MYRIP: variants seen among roughly 807,000 people sequenced by gnomAD.
MYRIP encodes the protein myosin VIIA and Rab interacting protein.
MYRIP carries 49 observed loss-of-function variants against 98.0 expected under a neutral mutation model. That is an observed-to-expected ratio of 0.50 (90% CI 0.40 to 0.63). MYRIP has a LOEUF of 0.63. Among genes scored for constraint, MYRIP ranks in the 30% least tolerant of loss-of-function variants. MYRIP has a pLI of 0.00. For missense variants in MYRIP, 1,004 were observed against 1,058.2 expected, an observed-to-expected ratio of 0.95 and a Z score of 0.71; for synonymous variants, 404 against 409.5, an observed-to-expected ratio of 0.99 and a Z score of 0.16.
At chr3:39,958,483 A>T (rs1163757371) in intron 2 of MYRIP, among the ~76,000 whole-genome samples, 1 of 152,222 alleles carries the variant, frequency 6.6e-6, no homozygotes, top group Admixed American at 6.5e-5. Context: ...CATATGCAGA[A>T]AGCTGAAACT....
At chr3:40,212,157 TATATATATATACATATATATAC>T (rs1242518258) in intron 11 of MYRIP, among the ~76,000 whole-genome samples, 127 of 8,174 alleles carry the variant, frequency 0.016, 24 homozygotes, top group Admixed American at 0.019. Context: ...TATATACGTG[TATATATATATACATATATATAC>T]GTGTATGTGT....
At chr3:40,256,070 T>A (rs1417204652) in intron 16 of MYRIP, among the ~76,000 whole-genome samples, 1 of 152,212 alleles carries the variant, frequency 6.6e-6, no homozygotes, top group Non-Finnish European at 1.5e-5. Context: ...CACGTGTGGC[T>A]ACTGAGCACT....
chr3:40,154,472 T>C (rs1182641679), intron 4 of MYRIP, among the ~76,000 whole-genome samples: 1 of 152,204 alleles, frequency 6.6e-6, no homozygotes, highest in Non-Finnish European at 1.5e-5. Context: ...AGTAAGTACA[T>C]TTATAAATAA....
chr3:39,953,680 G>A (rs1945085012), intron 2 of MYRIP, among the ~76,000 whole-genome samples: 1 of 152,156 alleles, frequency 6.6e-6, no homozygotes, highest in Admixed American at 6.5e-5. Flanking sequence ...ACTGGGGCTT[G>A]TTGGACAGTG....
intron 2 of MYRIP, among the ~76,000 whole-genome samples, chr3:40,033,494 C>G (rs148998052): frequency 0.017 from 2,591 of 152,194 alleles, 24 homozygotes; most frequent in Middle Eastern, 0.041. Context: ...AATAAAATAC[C>G]TAGGAATCCA....
rs771073159 is a variant in MYRIP, at chr3:40,209,856, G to A, written c.1668G>A (p.Val556=). 6.2e-7 allele frequency: 1 copy of A among 1,613,794 alleles called. No individual in the cohort carries two copies. The highest frequency in any genetic ancestry group is 1.3e-5 in the African/African-American group (1 of 74,888). The change falls in exon 11 of 17, where the codon GTG becomes GTA. Residue 556 remains valine (V), a splice_region_variant and synonymous_variant. Coordinates refer to ENST00000302541, the MANE Select transcript of MYRIP (RefSeq NM_015460.4). Reference sequence around the variant, plus strand: ...TCATGATTCTGGCTTTCATTTAGGTGTCGGATGATTTATCAGAGACAGACA... The same window carrying A: ...TCATGATTCTGGCTTTCATTTAGGTATCGGATGATTTATCAGAGACAGACA... ...AQLRDLDTHQ[V]SDDLSETDIS...
intron 2 of MYRIP, 48 bp from the exon 3 acceptor site, chr3:40,044,002 A>C (rs1264922267): frequency 1.3e-6 from 2 of 1,573,008 alleles, no homozygotes; most frequent in Non-Finnish European, 1.7e-6. Context: ...CCCTGACCTG[A>C]TGTTGTGTTT....
chr3:39,953,909 C>G (rs927909626), intron 2 of MYRIP, among the ~76,000 whole-genome samples: 5 of 152,168 alleles, frequency 3.3e-5, no homozygotes, highest in African/African-American at 1.2e-4. Context: ...GTCTCGCTTA[C>G]TGCTAGCACA....
At chr3:39,829,498 C>A (rs1057400893) in intron 1 of MYRIP, among the ~76,000 whole-genome samples, 3 of 152,104 alleles carry the variant, frequency 2.0e-5, no homozygotes, top group African/African-American at 7.2e-5. Flanking sequence ...GTAGTCCACA[C>A]TAAAGATGTT....
chr3:40,022,395 C>T (rs1445412389), intron 2 of MYRIP, among the ~76,000 whole-genome samples: 1 of 152,038 alleles, frequency 6.6e-6, no homozygotes, highest in Non-Finnish European at 1.5e-5. Context: ...TGTGAGTCTT[C>T]AAGGAAAAAG....
intron 8 of MYRIP, among the ~76,000 whole-genome samples, chr3:40,179,408 G>A (rs1046006610): frequency 6.6e-6 from 1 of 152,114 alleles, no homozygotes; most frequent in African/African-American, 2.4e-5. Context: ...CTTTTCATTT[G>A]TTAGTCTTGG....
chr3:39,824,513 C>A (rs1415336321), intron 1 of MYRIP, among the ~76,000 whole-genome samples: 1 of 151,886 alleles, frequency 6.6e-6, no homozygotes, highest in Non-Finnish European at 1.5e-5. Flanking sequence ...CATTTGTATT[C>A]TCTTCAATTT....
At chr3:40,149,681 C>T (rs962226995) in intron 3 of MYRIP, among the ~76,000 whole-genome samples, 1 of 152,170 alleles carries the variant, frequency 6.6e-6, no homozygotes, top group African/African-American at 2.4e-5. Flanking sequence ...TAATCCAAAC[C>T]TGCTCTCTGA....
intron 1 of MYRIP, among the ~76,000 whole-genome samples, chr3:39,852,500 C>T (rs1942158594): frequency 6.6e-6 from 1 of 152,126 alleles, no homozygotes; most frequent in African/African-American, 2.4e-5. Context: ...GAGCAGTGTA[C>T]ACTGTACTGA....
chr3:39,859,529 C>T (rs1029561501), intron 1 of MYRIP, among the ~76,000 whole-genome samples: 2 of 152,132 alleles, frequency 1.3e-5, no homozygotes, highest in Non-Finnish European at 2.9e-5. Context: ...TTTTATGAGG[C>T]TAACATTACA....
At chr3:40,073,148 T>A (rs572381078) in intron 3 of MYRIP, among the ~76,000 whole-genome samples, 11 of 152,320 alleles carry the variant, frequency 7.2e-5, no homozygotes, top group African/African-American at 2.6e-4. Flanking sequence ...CTCTCACAAC[T>A]ACATGAGTTG....
chr3:40,124,322 C>T (rs752037609), intron 3 of MYRIP, among the ~76,000 whole-genome samples: 8 of 152,224 alleles, frequency 5.3e-5, no homozygotes, highest in Non-Finnish European at 1.2e-4. Flanking sequence ...CGGGATCCTC[C>T]ACTACTCCAA....
chr3:39,849,978 T>C (rs1942078306), intron 1 of MYRIP, among the ~76,000 whole-genome samples: 2 of 152,186 alleles, frequency 1.3e-5, no homozygotes, highest in African/African-American at 4.8e-5. Context: ...ATCAGGATGG[T>C]CACCACGACA....
chr3:40,224,001 C>T (rs1344625267), intron 11 of MYRIP, among the ~76,000 whole-genome samples: 1 of 152,114 alleles, frequency 6.6e-6, no homozygotes, highest in Admixed American at 6.6e-5. Flanking sequence ...GCTTTCCAGG[C>T]AGAGGAACAC....
Sources: allele counts gnomAD v4.1 joint callset (sites outside exome capture counted in the v4.1 genomes callset), GRCh38; gene constraint gnomAD v4.1.1; transcripts MANE v1.5; gene names NCBI Gene and HGNC (gene_info 2026-07-23, HGNC 2026-07-21).